Variants in DTNB observed in about 807,000 individuals in gnomAD.
The protein encoded by DTNB is dystrobrevin beta.
A neutral mutation model predicts 90.7 loss-of-function variants in DTNB; 63 were observed. The observed-to-expected ratio is 0.69, with a 90% confidence interval of 0.57 to 0.86. DTNB has a LOEUF of 0.86. Among genes scored for constraint, DTNB ranks in the 40% least tolerant of loss-of-function variants. DTNB has a pLI of 0.00. For synonymous variants in DTNB, 277 were observed against 286.7 expected, an observed-to-expected ratio of 0.97 and a Z score of 0.34; for missense variants, 744 against 807.1, an observed-to-expected ratio of 0.92 and a Z score of 0.95.
At chr2:25,660,985 C>T (rs931888519) in intron 1 of DTNB, among the ~76,000 whole-genome samples, 1 of 152,120 alleles carries the variant, frequency 6.6e-6, no homozygotes, top group African/African-American at 2.4e-5. Context: ...CAAATTTTGC[C>T]AACAGCATGG....
intron 2 of DTNB, among the ~76,000 whole-genome samples, chr2:25,651,133 A>G (rs914133505): frequency 1.3e-5 from 2 of 152,154 alleles, no homozygotes; most frequent in African/African-American, 4.8e-5. Flanking sequence ...AAACACAACC[A>G]TCCATATTAA....
At chr2:25,493,601 C>T (rs2068076255) in intron 9 of DTNB, among the ~76,000 whole-genome samples, 1 of 152,200 alleles carries the variant, frequency 6.6e-6, no homozygotes. Flanking sequence ...GCCAAAGTTA[C>T]ACAATTTCTC....
chr2:25,433,144 G>C (rs1320716426), intron 13 of DTNB, 145 bp from the exon 14 acceptor site: 3 of 714,804 alleles, frequency 4.2e-6, no homozygotes, highest in South Asian at 3.8e-5. Flanking sequence ...AGGTGAAATG[G>C]ACACCTTCTC....
chr2:25,435,203 T>G (rs112919481), intron 12 of DTNB, among the ~76,000 whole-genome samples: 3,993 of 152,228 alleles, frequency 0.026, 181 homozygotes, highest in African/African-American at 0.091. Context: ...GTATTTTTAG[T>G]AGAGACAGGG....
intron 20 of DTNB, among the ~76,000 whole-genome samples, chr2:25,377,816 G>C (rs1189916661): frequency 1.3e-5 from 2 of 152,204 alleles, no homozygotes; most frequent in Admixed American, 6.5e-5. Flanking sequence ...TGTGGCCCAG[G>C]AGAAGGGCAG....
chr2:25,667,936 C>T (rs1015930623), intron 1 of DTNB, among the ~76,000 whole-genome samples: 5 of 152,130 alleles, frequency 3.3e-5, no homozygotes, highest in South Asian at 2.1e-4. Context: ...TATTATCATT[C>T]GGCGCTAAAA....
At chr2:25,650,085 G>A in intron 2 of DTNB, 16 of 985,428 alleles carry the variant, frequency 1.6e-5, no homozygotes, top group Non-Finnish European at 1.9e-5. Flanking sequence ...TGAGGTTTCT[G>A]TGTAAGAGTA....
At chr2:25,423,079 A>G (rs1419242486) in intron 15 of DTNB, among the ~76,000 whole-genome samples, 3 of 152,090 alleles carry the variant, frequency 2.0e-5, no homozygotes, top group East Asian at 1.9e-4. Context: ...AATCCCAACT[A>G]CTCAGGAGAC....
intron 1 of DTNB, among the ~76,000 whole-genome samples, chr2:25,658,722 T>C (rs1194903641): frequency 6.6e-6 from 1 of 152,056 alleles, no homozygotes; most frequent in East Asian, 1.9e-4. Context: ...AACAGAACTA[T>C]AGAAACAGGA....
intron 2 of DTNB, among the ~76,000 whole-genome samples, chr2:25,647,939 A>C (rs1480179785): frequency 1.3e-5 from 2 of 152,206 alleles, no homozygotes; most frequent in African/African-American, 2.4e-5. Flanking sequence ...TAGAAAAATA[A>C]CAGAATTGCC....
chr2:25,555,481 T>C lies in DTNB; in HGVS notation c.876+21357A>G, dbSNP rs201714621. 2.8e-4 allele frequency among the ~76,000 whole-genome samples: 43 copies of C among 152,202 alleles called. No homozygotes were observed. The East Asian group carries it at 6.0e-3, about 21-fold the overall frequency. On this transcript the variant is annotated intron_variant, in intron 8 of 20. Transcript: ENST00000406818. ...AATGAATACTGAATATTACACATCA[T>C]TGAAAAAAATCAAGTAATTTAAATA... is the stretch of plus-strand genomic sequence containing the variant.
intron 4 of DTNB, among the ~76,000 whole-genome samples, chr2:25,616,728 C>T (rs1348667962): frequency 6.7e-6 from 1 of 150,170 alleles, no homozygotes; most frequent in Non-Finnish European, 1.5e-5. Flanking sequence ...GTCAAGAGAT[C>T]GAGACCATCC....
intron 18 of DTNB, chr2:25,386,003 T>C: frequency 1.0e-6 from 1 of 984,584 alleles, no homozygotes; most frequent in Non-Finnish European, 1.2e-6. Flanking sequence ...GGGAGCTGCA[T>C]TAGGGAAAGC....
intron 3 of DTNB, among the ~76,000 whole-genome samples, chr2:25,636,892 A>G (rs1205998723): frequency 2.0e-5 from 3 of 151,906 alleles, no homozygotes; most frequent in Non-Finnish European, 4.4e-5. Context: ...ACTTCGATCT[A>G]GGATGGCATG....
intron 12 of DTNB, among the ~76,000 whole-genome samples, chr2:25,451,130 T>C (rs1357859970): frequency 6.6e-6 from 1 of 152,232 alleles, no homozygotes; most frequent in East Asian, 1.9e-4. Context: ...TCTGTTCTAC[T>C]AGTGTTTTTT....
intron 4 of DTNB, among the ~76,000 whole-genome samples, chr2:25,619,362 C>A (rs769909058): frequency 1.3e-5 from 2 of 152,194 alleles, no homozygotes; most frequent in Non-Finnish European, 2.9e-5. Flanking sequence ...GCCAATTAAT[C>A]TTAATTTACA....
chr2:25,659,930 T>C (rs1299239219), intron 1 of DTNB, among the ~76,000 whole-genome samples: 2 of 152,104 alleles, frequency 1.3e-5, no homozygotes, highest in Non-Finnish European at 1.5e-5. Flanking sequence ...TTCATGAACA[T>C]TGTTCATTTT....
chr2:25,536,381 G>C (rs1005653911), intron 8 of DTNB, among the ~76,000 whole-genome samples: 1 of 152,170 alleles, frequency 6.6e-6, no homozygotes, highest in African/African-American at 2.4e-5. Context: ...GTAGCGAGCC[G>C]AGATCACGCC....
chr2:25,460,143 T>C (rs1385963789), intron 10 of DTNB, among the ~76,000 whole-genome samples: 1 of 151,996 alleles, frequency 6.6e-6, no homozygotes, highest in Admixed American at 6.6e-5. Context: ...GTTGATCTCA[T>C]AGTCAGGAAG....
Sources: gnomAD v4.1 joint callset for allele counts (sites outside exome capture counted in the v4.1 genomes callset) on GRCh38, gnomAD v4.1.1 for gene constraint, MANE v1.5 for transcripts, NCBI Gene and HGNC (gene_info 2026-07-23, HGNC 2026-07-21) for gene names.